GALNT13: variants seen among roughly 807,000 people sequenced by gnomAD.
The protein encoded by GALNT13 is UDP-GalNAc:polypeptide N-acetylgalactosaminyltransferase 13.
A neutral mutation model predicts 64.2 loss-of-function variants in GALNT13; 28 were observed. That is an observed-to-expected ratio of 0.44 (90% CI 0.32 to 0.60). The LOEUF (loss-of-function observed/expected upper bound fraction) is 0.60. GALNT13 is among the 20% of genes least tolerant of loss of function. The pLI is 0.05. For missense variants in GALNT13, 577 were observed against 669.8 expected (o/e 0.86, Z 1.53); for synonymous variants, 214 against 224.6 (o/e 0.95, Z 0.42).
At chr2:154,291,581 C>T (rs1334036550) in intron 8 of GALNT13, among the ~76,000 whole-genome samples, 1 of 152,192 alleles carries the variant, frequency 6.6e-6, no homozygotes, top group African/African-American at 2.4e-5. Flanking sequence ...AGGTGCTGGC[C>T]GGCCACGCTG....
At chr2:153,744,666 A>T in the GALNT13 span, among the ~76,000 whole-genome samples, 9 of 152,110 alleles carry the variant, frequency 5.9e-5, no homozygotes, top group Non-Finnish European at 1.0e-4. Context: ...TAGCATCCTG[A>T]GCATGACCGA....
intron 4 of GALNT13, among the ~76,000 whole-genome samples, chr2:154,225,815 C>A (rs1005953823): frequency 6.6e-6 from 1 of 151,912 alleles, no homozygotes; most frequent in South Asian, 2.1e-4. Context: ...GAAAGGGGTA[C>A]GATATAATGC....
the GALNT13 span, among the ~76,000 whole-genome samples, chr2:153,685,767 A>T: frequency 6.6e-6 from 1 of 151,988 alleles, no homozygotes; most frequent in Admixed American, 6.6e-5. Flanking sequence ...GGTATTGCCT[A>T]GTTTGTCTTC....
intron 1 of GALNT13, among the ~76,000 whole-genome samples, chr2:153,886,633 A>G (rs2105256363): frequency 6.6e-6 from 1 of 152,108 alleles, no homozygotes; most frequent in African/African-American, 2.4e-5. Context: ...AGCTGTGAAT[A>G]TCTGTTTTCT....
rs186505581 is a variant in GALNT13 at position 154,094,515 on chromosome 2, C to A, written c.143-45822C>A. ...GGACAACTCAGATGAATTCTAAATG[C>A]TTATTTTTGTGAGAAAATAGTATTT... On this transcript the variant is annotated intron_variant, in intron 3 of 12. Coordinates refer to ENST00000392825, the MANE Select transcript of GALNT13 (RefSeq NM_052917.4). Among the ~76,000 whole-genome samples, 5 of 151,938 alleles carry A rather than the reference C, an allele frequency of 3.3e-5. No individual in the cohort carries two copies. In the Admixed American group the frequency reaches 3.3e-4, roughly 10 times the overall value.
chr2:153,497,696 C>A, the GALNT13 span, among the ~76,000 whole-genome samples: 1 of 151,710 alleles, frequency 6.6e-6, no homozygotes, highest in Non-Finnish European at 1.5e-5. Context: ...CACCATCACG[C>A]CCGGCTACTT....
the GALNT13 span, chr2:153,420,859 C>A: frequency 4.1e-6 from 1 of 245,490 alleles, no homozygotes. Flanking sequence ...ACCCAGGCCT[C>A]AGCAATGGCT....
chr2:153,772,528 G>A, the GALNT13 span, among the ~76,000 whole-genome samples: 1 of 152,162 alleles, frequency 6.6e-6, no homozygotes, highest in East Asian at 1.9e-4. Flanking sequence ...GATCTGGGTT[G>A]TTGCTCACTA....
chr2:153,915,804 GA>G (rs944149680), intron 2 of GALNT13, among the ~76,000 whole-genome samples: 2 of 150,440 alleles, frequency 1.3e-5, no homozygotes, highest in South Asian at 2.1e-4. Context: ...CAGCAAGAAT[GA>G]AAAAAAAATG....
chr2:153,835,040 TA>T, the GALNT13 span, among the ~76,000 whole-genome samples: 3 of 152,072 alleles, frequency 2.0e-5, no homozygotes, highest in African/African-American at 7.2e-5. Context: ...AGGAGGTAAT[TA>T]AGTCTGTGAA....
chr2:153,451,218 TTG>T, the GALNT13 span, among the ~76,000 whole-genome samples: 1 of 152,142 alleles, frequency 6.6e-6, no homozygotes, highest in Admixed American at 6.5e-5. Context: ...CATTAGTAAA[TTG>T]TGTGTTCCTT....
rs142428249 is a variant in GALNT13, at chr2:154,360,168, C to T, written c.1157-35823C>T. ...TTCCTTGATTGTTTGTAAATATTCACATATACATATGTTACAGTGGTTTAA... is the reference window on the plus strand; with the variant it reads ...TTCCTTGATTGTTTGTAAATATTCATATATACATATGTTACAGTGGTTTAA... On this transcript the variant is annotated intron_variant, in intron 9 of 12. Coordinates refer to ENST00000392825, the MANE Select transcript of GALNT13 (RefSeq NM_052917.4). 1.7e-4 allele frequency among the ~76,000 whole-genome samples: 26 copies of T among 152,244 alleles called. 1 individual carries two copies. In the East Asian group the frequency reaches 5.0e-3, roughly 29 times the overall value.
At chr2:153,142,592 G>A in the GALNT13 span, among the ~76,000 whole-genome samples, 1 of 151,758 alleles carries the variant, frequency 6.6e-6, no homozygotes, top group South Asian at 2.1e-4. Context: ...GAGCGTGAGA[G>A]AGAGAAAGTG....
the GALNT13 span, among the ~76,000 whole-genome samples, chr2:153,112,084 C>T: frequency 2.0e-5 from 3 of 152,124 alleles, no homozygotes; most frequent in African/African-American, 4.8e-5. Context: ...AGAGACACTT[C>T]TTCCCCATTC....
intron 3 of GALNT13, among the ~76,000 whole-genome samples, chr2:154,075,549 A>G (rs1444921956): frequency 1.3e-5 from 2 of 151,800 alleles, no homozygotes; most frequent in Non-Finnish European, 2.9e-5. Flanking sequence ...GTCATTGTTG[A>G]TCAAATATAT....
intron 3 of GALNT13, among the ~76,000 whole-genome samples, chr2:154,077,987 A>G (rs1701077008): frequency 1.3e-5 from 2 of 151,596 alleles, no homozygotes; most frequent in South Asian, 4.1e-4. Context: ...ATAATCATGT[A>G]TCAGATTAAC....
chr2:153,924,302 A>T (rs942344054), intron 2 of GALNT13, among the ~76,000 whole-genome samples: 2 of 151,014 alleles, frequency 1.3e-5, no homozygotes, highest in African/African-American at 4.9e-5. Context: ...ATAAATGAGA[A>T]CATGTGATAT....
chr2:154,393,593 T>C (rs192947144), intron 9 of GALNT13, among the ~76,000 whole-genome samples: 42 of 152,312 alleles, frequency 2.8e-4, no homozygotes, highest in Non-Finnish European at 5.7e-4. Context: ...TTTTTGTACA[T>C]TTCTAAAGGT....
chr2:153,591,782 T>C, the GALNT13 span, among the ~76,000 whole-genome samples: 1 of 151,874 alleles, frequency 6.6e-6, no homozygotes, highest in Non-Finnish European at 1.5e-5. Context: ...AAATTTATGA[T>C]GAAGATTTCA....
Sources: allele counts gnomAD v4.1 joint callset (sites outside exome capture counted in the v4.1 genomes callset), GRCh38; gene constraint gnomAD v4.1.1; transcripts MANE v1.5; gene names NCBI Gene and HGNC (gene_info 2026-07-23, HGNC 2026-07-21).